The following KCNN2 variants were observed in gnomAD, a reference collection of about 807,000 sequenced individuals.
KCNN2 encodes small conductance calcium-activated potassium channel protein 2.
KCNN2 carries 24 observed loss-of-function variants against 55.5 expected under a neutral mutation model. That is an observed-to-expected ratio of 0.43 (90% confidence interval 0.31 to 0.61). KCNN2 has a LOEUF of 0.61. Ranked by LOEUF, KCNN2 falls within the 20% of genes least tolerant of loss-of-function variation. The pLI, the probability that KCNN2 is intolerant of heterozygous loss-of-function variation, is 0.08. For synonymous variants in KCNN2, 431 were observed against 336.1 expected (o/e 1.28, Z -3.09); for missense variants, 754 against 853.6 (o/e 0.88, Z 1.45).
intron 2 of KCNN2, among the ~76,000 whole-genome samples, chr5:114,351,388 A>G (rs958782207): frequency 1.3e-5 from 2 of 151,808 alleles, no homozygotes; most frequent in African/African-American, 4.8e-5. Flanking sequence ...CATGTCCTGT[A>G]TAAAGAGATA....
chr5:114,435,656 T>C lies in KCNN2; in HGVS notation c.1638-27393T>C, dbSNP rs184558068. On this transcript the variant is annotated intron_variant, in intron 3 of 7. Transcript: ENST00000673685. The stretch of plus-strand genomic sequence containing the variant: ...GATGATTTAGATAGTATTTAGATCA[T>C]TATAATGTTATTTGGGTGATTATAA... 7.9e-5 allele frequency among the ~76,000 whole-genome samples: 12 copies of C among 152,244 alleles called. 1 individual carries two copies. Among genetic ancestry groups the C allele is most frequent in the Non-Finnish European group, 1.6e-4 (11 of 68,024 alleles).
chr5:114,177,014 T>G (rs1753143511), intron 1 of KCNN2, among the ~76,000 whole-genome samples: 1 of 152,178 alleles, frequency 6.6e-6, no homozygotes, highest in Non-Finnish European at 1.5e-5. Flanking sequence ...GAAAAACTCT[T>G]AGAGTAAATG....
At chr5:114,431,330 T>G (rs1759786304) in intron 3 of KCNN2, among the ~76,000 whole-genome samples, 1 of 152,052 alleles carries the variant, frequency 6.6e-6, no homozygotes, top group Non-Finnish European at 1.5e-5. Flanking sequence ...ATTGTGTTGT[T>G]CAAGGAATTT....
chr5:114,178,750 G>A (rs924869673), intron 1 of KCNN2, among the ~76,000 whole-genome samples: 10 of 152,142 alleles, frequency 6.6e-5, no homozygotes, highest in East Asian at 1.9e-4. Flanking sequence ...TAAAATTAAG[G>A]TTAGTCATAG....
At chr5:114,403,003 G>A (rs1295603848) in intron 2 of KCNN2, among the ~76,000 whole-genome samples, 1 of 152,208 alleles carries the variant, frequency 6.6e-6, no homozygotes, top group African/African-American at 2.4e-5. Flanking sequence ...CAAGTGCATT[G>A]GGGAGAATGG....
chr5:114,197,637 C>T (rs1317512668), intron 1 of KCNN2, among the ~76,000 whole-genome samples: 1 of 152,136 alleles, frequency 6.6e-6, no homozygotes, highest in East Asian at 1.9e-4. Context: ...TCTTTTTGGT[C>T]TCACCTGCCT....
At chr5:114,301,145 C>T (rs916054332) in intron 2 of KCNN2, among the ~76,000 whole-genome samples, 3 of 151,888 alleles carry the variant, frequency 2.0e-5, no homozygotes, top group Non-Finnish European at 2.9e-5. Flanking sequence ...TCTCCAATAG[C>T]ACTGTTTTCT....
intron 1 of KCNN2, among the ~76,000 whole-genome samples, chr5:114,112,610 A>T (rs1464697585): frequency 2.0e-5 from 3 of 152,098 alleles, no homozygotes; most frequent in Non-Finnish European, 4.4e-5. Context: ...GCGATTCTCT[A>T]GTAAGTATAT....
intron 1 of KCNN2, among the ~76,000 whole-genome samples, chr5:114,150,197 C>T (rs13356538): frequency 0.025 from 3,745 of 152,234 alleles, 144 homozygotes; most frequent in African/African-American, 0.085. Context: ...TCTTGTATTC[C>T]GTAGTAGCAA....
At chr5:114,484,096 A>G (rs967355755) in intron 5 of KCNN2, among the ~76,000 whole-genome samples, 1 of 152,196 alleles carries the variant, frequency 6.6e-6, no homozygotes, top group Non-Finnish European at 1.5e-5. Flanking sequence ...AGAAGTTTTT[A>G]TGTATAAATT....
intron 2 of KCNN2, among the ~76,000 whole-genome samples, chr5:114,285,315 G>T (rs978895188): frequency 1.4e-5 from 2 of 147,494 alleles, no homozygotes; most frequent in African/African-American, 2.5e-5. Flanking sequence ...AAGAGAGACA[G>T]TTGGCAAAAA....
intron 2 of KCNN2, among the ~76,000 whole-genome samples, chr5:114,245,213 C>A (rs149013252): frequency 6.6e-6 from 1 of 152,144 alleles, no homozygotes; most frequent in Non-Finnish European, 1.5e-5. Flanking sequence ...CTTTCTAAAT[C>A]AAAAACTCTA....
At chr5:114,143,518 G>A (rs1405574345) in intron 1 of KCNN2, among the ~76,000 whole-genome samples, 1 of 152,144 alleles carries the variant, frequency 6.6e-6, no homozygotes, top group South Asian at 2.1e-4. Context: ...TTATAGCCCT[G>A]TCTTATCCCT....
At chr5:114,473,441 G>A (rs1284487306) in intron 5 of KCNN2, among the ~76,000 whole-genome samples, 2 of 152,130 alleles carry the variant, frequency 1.3e-5, no homozygotes, top group East Asian at 1.9e-4. Flanking sequence ...AGTATATGAG[G>A]CCAATTCTTG....
At chr5:114,170,199 C>T (rs982482113) in intron 1 of KCNN2, among the ~76,000 whole-genome samples, 1 of 152,054 alleles carries the variant, frequency 6.6e-6, no homozygotes, top group Non-Finnish European at 1.5e-5. Context: ...CCGAAAGCAT[C>T]ATTTTTGGCC....
intron 3 of KCNN2, among the ~76,000 whole-genome samples, chr5:114,422,816 C>T (rs1383906283): frequency 6.6e-6 from 1 of 152,184 alleles, no homozygotes; most frequent in African/African-American, 2.4e-5. Flanking sequence ...TGACACTAAT[C>T]TGACTGGAAC....
chr5:114,083,337 T>TA lies in KCNN2; in HGVS notation c.-271+26839dup, dbSNP rs527939330. Among the ~76,000 whole-genome samples, 18 of 152,204 alleles carry TA rather than the reference T, an allele frequency of 1.2e-4. No individual in the cohort carries two copies. In the South Asian group the frequency reaches 3.3e-3, roughly 28 times the overall value. ...TAGCTTTTTAAGATAGAAGCTTAGA[T>TA]AATTGATTTTAGATACATGTTTTTT... On this transcript the variant is annotated intron_variant, in intron 1 of 10. Coordinates refer to the KCNN2 transcript ENST00000512097.
intron 2 of KCNN2, among the ~76,000 whole-genome samples, chr5:114,276,006 C>A (rs903958907): frequency 6.6e-6 from 1 of 152,122 alleles, no homozygotes; most frequent in East Asian, 1.9e-4. Flanking sequence ...TTAAATGTGT[C>A]CCAGAGATTC....
rs545981638 is a variant in KCNN2, at chr5:114,424,055, A to G, written c.1637+19199A>G. 3.4e-3 allele frequency among the ~76,000 whole-genome samples: 522 copies of G among 152,350 alleles called. 3 individuals carry two copies. The highest frequency in any genetic ancestry group is 6.8e-3 in the Middle Eastern group (2 of 294). The stretch of plus-strand genomic sequence containing the variant: ...AAATACGGAGTCTGGATTTTAGTCC[A>G]TAGGTATGTTCCCAAATTCTTTCTT... On this transcript the variant is annotated intron_variant, in intron 3 of 7. Coordinates refer to ENST00000673685, the MANE Select transcript of KCNN2 (RefSeq NM_021614.4).
Sources: gnomAD v4.1 joint callset for allele counts (sites outside exome capture counted in the v4.1 genomes callset) on GRCh38, gnomAD v4.1.1 for gene constraint, MANE v1.5 for transcripts, NCBI Gene and HGNC (gene_info 2026-07-23, HGNC 2026-07-21) for gene names.